Variants in BIN2 observed in about 807,000 individuals in gnomAD.
BIN2 encodes bridging integrator 2.
Under a neutral mutation model 67.9 loss-of-function variants are expected in BIN2, and 43 were observed. The ratio of observed to expected loss-of-function variants is 0.63; its 90% CI spans 0.50 to 0.82. BIN2 has a LOEUF of 0.82. Ranked by LOEUF, BIN2 falls within the 40% of genes least tolerant of loss-of-function variation. The pLI, the probability that BIN2 is intolerant of heterozygous loss-of-function variation, is 0.00. For synonymous variants in BIN2, 244 were observed against 246.8 expected (o/e 0.99, Z 0.11); for missense variants, 581 against 671.6 (o/e 0.87, Z 1.49).
intron 10 of BIN2, among the ~76,000 whole-genome samples, chr12:51,289,333 G>A (rs957938461): frequency 3.9e-5 from 6 of 151,992 alleles, no homozygotes; most frequent in Non-Finnish European, 8.8e-5. Flanking sequence ...TATGACTTGA[G>A]GCCGGGCACG....
At chr12:51,289,225 A>T (rs1193941676) in intron 10 of BIN2, among the ~76,000 whole-genome samples, 1 of 24,046 alleles carries the variant, frequency 4.2e-5, no homozygotes, top group Admixed American at 4.4e-4. Flanking sequence ...GTATCTTAAA[A>T]AAAAGTCTTT....
intron 12 of BIN2, among the ~76,000 whole-genome samples, chr12:51,283,247 G>A (rs1010372807): frequency 2.3e-5 from 3 of 131,378 alleles, no homozygotes; most frequent in East Asian, 2.4e-4. Context: ...CTGGGCGACC[G>A]AGAGAGACTC....
chr12:51,310,866 C>T (rs1945975262), intron 2 of BIN2, among the ~76,000 whole-genome samples: 2 of 151,688 alleles, frequency 1.3e-5, no homozygotes, highest in Non-Finnish European at 2.9e-5. Flanking sequence ...TCAGTCAGTC[C>T]TCTTGCCTCA....
intron 9 of BIN2, among the ~76,000 whole-genome samples, chr12:51,292,698 C>T (rs1945422092): frequency 6.6e-6 from 1 of 152,162 alleles, no homozygotes; most frequent in Admixed American, 6.6e-5. Flanking sequence ...CAAATCAATA[C>T]TTGTGGCACT....
chr12:51,310,304 GTAT>G (rs1234536389), intron 2 of BIN2, among the ~76,000 whole-genome samples: 31 of 152,194 alleles, frequency 2.0e-4, no homozygotes, highest in African/African-American at 7.5e-4. Context: ...AAACAACCTA[GTAT>G]CATTAACAAA....
rs532733323 is a variant in BIN2, at chr12:51,300,959, G to A, written c.408+1061C>T. Among the ~76,000 whole-genome samples, 477 of 152,272 alleles carry A rather than the reference G, an allele frequency of 3.1e-3. 1 individual carries two copies. The highest frequency in any genetic ancestry group is 0.011 in the African/African-American group (464 of 41,558). ...ACTAGAGCCGGGTGCAGTGGCTCAC[G>A]CCTGCAATCCCAGCACTTTGGGAGG... On this transcript the variant is annotated intron_variant, in intron 5 of 12. Transcript: ENST00000615107.
chr12:51,289,667 G>A (rs562311626), intron 10 of BIN2, among the ~76,000 whole-genome samples: 26 of 152,068 alleles, frequency 1.7e-4, no homozygotes, highest in Middle Eastern at 6.8e-3. Context: ...ATCCTTCACA[G>A]AACTAGTTGC....
intron 1 of BIN2, 60 bp downstream of exon 1, chr12:51,323,939 TGCCCGCCCCTCCTGCCCGGCCGG>T: frequency 6.4e-7 from 1 of 1,555,826 alleles, no homozygotes. Context: ...CTGAGCACCC[TGCCCGCCCCTCCTGCCCGGCCGG>T]GCTCGGCCTC....
Position 51,301,672 on chromosome 12 carries a change from AT to A in BIN2, c.408+347del, listed in dbSNP as rs537318198. 2.7e-3 allele frequency among the ~76,000 whole-genome samples: 410 copies of A among 149,892 alleles called. 3 individuals are homozygous for A. The highest frequency in any genetic ancestry group is 9.5e-3 in the African/African-American group (387 of 40,832). On this transcript the variant is annotated intron_variant, in intron 5 of 12. Transcript: ENST00000615107. Reference sequence around the variant, plus strand: ...TACAGACACGCACCACCACATGACTATTTTTTTTTGTATTTTTTGTAGAGAT... The same window carrying A: ...TACAGACACGCACCACCACATGACTATTTTTTTTGTATTTTTTGTAGAGAT...
In BIN2 at chr12:51,324,143, C is replaced by G. The variant is rs201377937; in HGVS notation, c.-41G>C. 8.7e-6 allele frequency: 14 copies of G among 1,607,208 alleles called. No individual in the cohort carries two copies. The highest frequency in any genetic ancestry group is 1.2e-5 in the Non-Finnish European group (14 of 1,177,078). ...GGGGCCGCCGCCCTGGCCCCGCGCC[C>G]TGTGGTTTTCTGAGGCCCCCGAGGA... On this transcript the variant is annotated 5_prime_UTR_variant, in exon 1 of 13. Coordinates refer to ENST00000615107, the MANE Select transcript of BIN2 (RefSeq NM_016293.4).
intron 2 of BIN2, among the ~76,000 whole-genome samples, chr12:51,308,966 AAAC>A (rs1354609350): frequency 3.9e-5 from 6 of 152,070 alleles, no homozygotes; most frequent in Non-Finnish European, 8.8e-5. Context: ...TAAAAATACA[AAAC>A]AACAACAAAA....
Position 51,322,331 on chromosome 12 carries a change from G to A in BIN2, c.81+1691C>T, listed in dbSNP as rs1452482054. On this transcript the variant is annotated intron_variant, in intron 1 of 12. Transcript: ENST00000615107. ...CCCAAAGCAAGGTTTTAGTGTTGACGAGAGGCTAGATGAAGACAGAAGATG... is the reference window on the plus strand; with the variant it reads ...CCCAAAGCAAGGTTTTAGTGTTGACAAGAGGCTAGATGAAGACAGAAGATG... Among the ~76,000 whole-genome samples, 5 of 152,204 alleles carry A rather than the reference G, an allele frequency of 3.3e-5. No homozygotes were observed. In the East Asian group the frequency reaches 7.7e-4, roughly 23 times the overall value.
At chr12:51,313,953 T>G (rs372441468) in intron 1 of BIN2, 50 bp from the exon 2 acceptor site, 5 of 1,496,882 alleles carry the variant, frequency 3.3e-6, no homozygotes, top group African/African-American at 2.8e-5. Context: ...AAGTCTCTCT[T>G]ACATGTTGGC....
intron 2 of BIN2, among the ~76,000 whole-genome samples, chr12:51,313,198 G>GGAAGGAAA (rs2137429130): frequency 6.8e-6 from 1 of 147,172 alleles, no homozygotes; most frequent in East Asian, 2.0e-4. Context: ...AAGGAAGGAA[G>GGAAGGAAA]GAAGGAAGGA....
intron 1 of BIN2, among the ~76,000 whole-genome samples, chr12:51,317,590 A>G (rs1200715972): frequency 1.3e-5 from 2 of 152,040 alleles, no homozygotes. Flanking sequence ...AATCGGTTAA[A>G]GGGTTGCAGT....
intron 2 of BIN2, among the ~76,000 whole-genome samples, chr12:51,306,616 A>G (rs1945871397): frequency 6.6e-6 from 1 of 152,052 alleles, no homozygotes; most frequent in Admixed American, 6.6e-5. Flanking sequence ...GACACAGCAG[A>G]CTCTGTCTAA....
intron 2 of BIN2, 142 bp downstream of exon 2, chr12:51,313,679 AGG>A (rs1946053878): frequency 4.4e-6 from 3 of 674,576 alleles, no homozygotes; most frequent in Non-Finnish European, 7.8e-6. Flanking sequence ...GATAAGCAAC[AGG>A]TCACCCTGTA....
At position 51,302,011 on chromosome 12, in the gene BIN2, A is replaced by C; in HGVS notation, c.408+9T>G. On this transcript the variant is annotated intron_variant, in intron 5 of 12. Coordinates refer to ENST00000615107, the MANE Select transcript of BIN2 (RefSeq NM_016293.4). ...CCACAACCCAGCCTTGATTCTGTAC[A>C]TTGAGTACCTTAATTTCACTGAACT... 1 of 1,599,766 alleles carries C rather than the reference A, an allele frequency of 6.3e-7. No homozygotes were observed. Among genetic ancestry groups the C allele is most frequent in the South Asian group, 1.1e-5 (1 of 90,762 alleles).
chr12:51,315,173 TA>T (rs200495076), intron 1 of BIN2, among the ~76,000 whole-genome samples: 191 of 146,842 alleles, frequency 1.3e-3, no homozygotes, highest in South Asian at 3.0e-3. Flanking sequence ...TTATTATTAT[TA>T]TTTTTTTTTT....
Sources: allele counts gnomAD v4.1 joint callset (sites outside exome capture counted in the v4.1 genomes callset), GRCh38; gene constraint gnomAD v4.1.1; transcripts MANE v1.5; gene names NCBI Gene and HGNC (gene_info 2026-07-23, HGNC 2026-07-21).